EPB41L2: variants seen among roughly 807,000 people sequenced by gnomAD.
EPB41L2 encodes the protein band 4.1-like protein 2.
In EPB41L2, 43 loss-of-function variants were observed where a neutral mutation model predicts 113.0. The observed-to-expected ratio is 0.38, with a 90% CI of 0.30 to 0.49. EPB41L2 has a LOEUF of 0.49. EPB41L2 is among the 20% of genes least tolerant of loss of function. The pLI is 0.95. For missense variants in EPB41L2, 1,147 were observed against 1,223.4 expected (o/e 0.94, Z 0.93); for synonymous variants, 442 against 436.7 (o/e 1.01, Z -0.15).
At chr6:130,960,851 G>A (rs758740673) in intron 1 of EPB41L2, among the ~76,000 whole-genome samples, 2 of 152,116 alleles carry the variant, frequency 1.3e-5, no homozygotes, top group African/African-American at 2.4e-5. Context: ...AACTCTTGTA[G>A]TGGAATGCTG....
chr6:130,964,492 C>CAAAAA (rs34008072), intron 1 of EPB41L2, among the ~76,000 whole-genome samples: 4 of 145,014 alleles, frequency 2.8e-5, no homozygotes, highest in Non-Finnish European at 4.6e-5. Context: ...TCCTCATAAG[C>CAAAAA]AAAAAAAAAA....
rs376856344 is a variant in EPB41L2 at position 131,033,589 on chromosome 6, A to G, written c.-15+29566T>C. Among the ~76,000 whole-genome samples, 6 of 152,358 alleles carry G rather than the reference A, an allele frequency of 3.9e-5. No individual in the cohort carries two copies. The East Asian group carries it at 1.2e-3, about 29-fold the overall frequency. ...AAGTAAGACATATACATACAATGAA[A>G]TATCATTCAGCCTTAAAAAGGAATA... On this transcript the variant is annotated intron_variant, in intron 1 of 19. Coordinates refer to ENST00000337057, the MANE Select transcript of EPB41L2 (RefSeq NM_001431.4).
chr6:130,855,689 C>T (rs1780011804), intron 19 of EPB41L2, among the ~76,000 whole-genome samples: 1 of 152,026 alleles, frequency 6.6e-6, no homozygotes, highest in African/African-American at 2.4e-5. Flanking sequence ...CAAATAGAGA[C>T]ATCTTATGTT....
chr6:130,905,635 G>A (rs900454250), intron 5 of EPB41L2, among the ~76,000 whole-genome samples: 1 of 152,090 alleles, frequency 6.6e-6, no homozygotes, highest in African/African-American at 2.4e-5. Context: ...TGCCAGGCTT[G>A]TCTCGAATCC....
intron 1 of EPB41L2, among the ~76,000 whole-genome samples, chr6:131,043,384 G>T (rs1569195): frequency 0.26 from 40,110 of 151,896 alleles, 5,534 homozygotes; most frequent in East Asian, 0.43. Flanking sequence ...GTGGTTTTAA[G>T]AAATAACAAA....
intron 3 of EPB41L2, among the ~76,000 whole-genome samples, chr6:130,936,595 A>T (rs1808879731): frequency 6.8e-6 from 1 of 146,380 alleles, no homozygotes; most frequent in Non-Finnish European, 1.5e-5. Flanking sequence ...TAGTGATAAA[A>T]TACAAGAATA....
At chr6:130,850,108 C>T (rs1778338991) in intron 19 of EPB41L2, among the ~76,000 whole-genome samples, 1 of 152,042 alleles carries the variant, frequency 6.6e-6, no homozygotes, top group Non-Finnish European at 1.5e-5. Context: ...CATGGTAGCA[C>T]ACGCCTGTAA....
intron 1 of EPB41L2, among the ~76,000 whole-genome samples, chr6:131,009,536 CA>C (rs1005856799): frequency 3.3e-5 from 5 of 149,572 alleles, no homozygotes; most frequent in Admixed American, 1.3e-4. Context: ...GTACATAAAG[CA>C]AAAAAAAATT....
intron 19 of EPB41L2, among the ~76,000 whole-genome samples, chr6:130,854,367 A>C (rs1182322701): frequency 7.4e-6 from 1 of 135,822 alleles, no homozygotes; most frequent in Non-Finnish European, 1.7e-5. Context: ...AAATTTATCT[A>C]GTTTGTTCAC....
At chr6:130,935,739 A>G (rs990925319) in intron 3 of EPB41L2, among the ~76,000 whole-genome samples, 1 of 152,194 alleles carries the variant, frequency 6.6e-6, no homozygotes, top group African/African-American at 2.4e-5. Context: ...TGTAGTTTTT[A>G]TCTCCTGCAG....
chr6:131,055,812 C>T (rs563300348), intron 1 of EPB41L2, among the ~76,000 whole-genome samples: 5 of 152,016 alleles, frequency 3.3e-5, no homozygotes, highest in Non-Finnish European at 7.4e-5. Context: ...AATTATAGCA[C>T]CTGGTGTGTA....
chr6:130,870,440 C>T (rs1369570991), intron 14 of EPB41L2: 1 of 1,514,246 alleles, frequency 6.6e-7, no homozygotes, highest in Non-Finnish European at 9.0e-7. Context: ...TCAACAACCA[C>T]TGAAACAAAC....
chr6:130,957,369 G>A (rs1562588694), intron 1 of EPB41L2, among the ~76,000 whole-genome samples: 1 of 152,142 alleles, frequency 6.6e-6, no homozygotes, highest in Non-Finnish European at 1.5e-5. Flanking sequence ...GTTACAGCAC[G>A]CTGACATAAA....
At chr6:130,978,028 TTC>T (rs1778565319) in intron 1 of EPB41L2, among the ~76,000 whole-genome samples, 1 of 152,192 alleles carries the variant, frequency 6.6e-6, no homozygotes, top group Non-Finnish European at 1.5e-5. Flanking sequence ...ATGTATCTAT[TTC>T]TTTCTCAATT....
chr6:131,022,391 A>G (rs1668775488), intron 1 of EPB41L2, among the ~76,000 whole-genome samples: 1 of 152,142 alleles, frequency 6.6e-6, no homozygotes, highest in African/African-American at 2.4e-5. Flanking sequence ...CTAGTTATCT[A>G]TAGGAGCTAT....
At chr6:130,951,499 G>A (rs1010046537) in intron 3 of EPB41L2, among the ~76,000 whole-genome samples, 3 of 151,086 alleles carry the variant, frequency 2.0e-5, no homozygotes, top group East Asian at 2.0e-4. Flanking sequence ...TAAAATTTTT[G>A]TATTTTTGGT....
Position 130,966,213 on chromosome 6 carries a change from A to G in EPB41L2, c.-14-9714T>C, listed in dbSNP as rs553890103. Among the ~76,000 whole-genome samples, 9 of 152,306 alleles carry G rather than the reference A, an allele frequency of 5.9e-5. No homozygotes were observed. The East Asian group carries it at 1.7e-3, about 29-fold the overall frequency. On this transcript the variant is annotated intron_variant, in intron 1 of 19. Transcript: ENST00000337057. ...TAAAATAATTATGTAAAGGTGACTC[A>G]CTACAACACTGTAAAAGCTCAGGAT... is the stretch of plus-strand genomic sequence containing the variant.
chr6:130,951,567 G>A (rs1320201115), intron 3 of EPB41L2, among the ~76,000 whole-genome samples: 5 of 151,312 alleles, frequency 3.3e-5, no homozygotes, highest in South Asian at 2.1e-4. Flanking sequence ...CCTCAGGTCC[G>A]CCTGCCTCAG....
intron 1 of EPB41L2, among the ~76,000 whole-genome samples, chr6:131,005,998 T>G: frequency 6.6e-6 from 1 of 152,004 alleles, no homozygotes; most frequent in East Asian, 1.9e-4. Context: ...TTTCCTCTCC[T>G]TCCTTATTTC....
Sources: allele counts gnomAD v4.1 joint callset (sites outside exome capture counted in the v4.1 genomes callset), GRCh38; gene constraint gnomAD v4.1.1; transcripts MANE v1.5; gene names NCBI Gene and HGNC (gene_info 2026-07-23, HGNC 2026-07-21).